PDZRN4: variants seen among roughly 807,000 people sequenced by gnomAD.
PDZRN4 encodes the protein PDZ domain-containing RING finger protein 4.
Under a neutral mutation model 99.0 loss-of-function variants are expected in PDZRN4, and 70 were observed. That is an observed-to-expected ratio of 0.71 (90% CI 0.58 to 0.86). The LOEUF (loss-of-function observed/expected upper bound fraction) is 0.86, where lower values mean the gene tolerates loss of function less well. Ranked by LOEUF, PDZRN4 falls within the 40% of genes least tolerant of loss-of-function variation. The pLI is 0.00. For missense variants in PDZRN4, 1,474 were observed against 1,331.2 expected, an observed-to-expected ratio of 1.11 and a Z score of -1.67; for synonymous variants, 551 against 501.6, an observed-to-expected ratio of 1.10 and a Z score of -1.32.
intron 5 of PDZRN4, among the ~76,000 whole-genome samples, chr12:41,521,811 C>T (rs184476733): frequency 2.6e-3 from 402 of 152,030 alleles, no homozygotes; most frequent in Non-Finnish European, 4.3e-3. Flanking sequence ...GTGTTCTTTC[C>T]TAGACTGTGT....
rs143173443 is a variant in PDZRN4 at position 41,211,998 on chromosome 12, T to G, written c.843+17810T>G. Among the ~76,000 whole-genome samples, 755 of 152,074 alleles carry G rather than the reference T, an allele frequency of 5.0e-3. 5 individuals carry two copies. The highest frequency in any genetic ancestry group is 0.011 in the South Asian group (54 of 4,826). On this transcript the variant is annotated intron_variant, in intron 3 of 9. Coordinates refer to ENST00000402685, the MANE Select transcript of PDZRN4 (RefSeq NM_001164595.2). ...TATGGAGAAACTCCCTTTGCATATTTTATTTTATATTCTTGCCTGTCACTG... is the reference window on the plus strand; with the variant it reads ...TATGGAGAAACTCCCTTTGCATATTGTATTTTATATTCTTGCCTGTCACTG...
intron 3 of PDZRN4, among the ~76,000 whole-genome samples, chr12:41,367,208 G>T (rs1235209196): frequency 6.6e-6 from 1 of 152,040 alleles, no homozygotes; most frequent in African/African-American, 2.4e-5. Context: ...TGAGTTGAAT[G>T]GTAGAAATGT....
At position 41,370,465 on chromosome 12, in the gene PDZRN4, T is replaced by G. The variant is rs1404439673; in HGVS notation, c.844-135991T>G. 2.2e-4 allele frequency among the ~76,000 whole-genome samples: 33 copies of G among 152,046 alleles called. 1 individual carries two copies. Among genetic ancestry groups the G allele is most frequent in the Admixed American group, 2.2e-3 (33 of 15,242 alleles). On this transcript the variant is annotated intron_variant, in intron 3 of 9. Transcript: ENST00000402685. ...AGTCTTTTATCAGTCAAATAACTAATTCTGCCTTTTCTCTCTGTTGCTTAA... is the reference window on the plus strand; with the variant it reads ...AGTCTTTTATCAGTCAAATAACTAAGTCTGCCTTTTCTCTCTGTTGCTTAA...
intron 3 of PDZRN4, among the ~76,000 whole-genome samples, chr12:41,288,895 G>A (rs1052427966): frequency 2.6e-5 from 4 of 151,902 alleles, no homozygotes; most frequent in Non-Finnish European, 5.9e-5. Context: ...CAGGCATAAT[G>A]GTTTATACAT....
intron 3 of PDZRN4, among the ~76,000 whole-genome samples, chr12:41,314,050 T>C (rs2120957325): frequency 6.6e-6 from 1 of 152,346 alleles, no homozygotes; most frequent in South Asian, 2.1e-4. Context: ...CATCTTGCCT[T>C]GGAAATTACC....
At chr12:41,555,904 T>C (rs1939152634) in intron 7 of PDZRN4, 144 bp downstream of exon 7, 6 of 668,662 alleles carry the variant, frequency 9.0e-6, no homozygotes, top group Non-Finnish European at 1.6e-5. Flanking sequence ...AAAAGTGCTG[T>C]CATTTAAAAC....
intron 3 of PDZRN4, among the ~76,000 whole-genome samples, chr12:41,406,156 CT>C (rs573073147): frequency 1.3e-4 from 20 of 151,672 alleles, no homozygotes; most frequent in East Asian, 3.9e-4. Context: ...CTAATTTCTG[CT>C]TTTTTTTGAG....
At chr12:41,353,011 G>T (rs1951902515) in intron 3 of PDZRN4, among the ~76,000 whole-genome samples, 1 of 151,958 alleles carries the variant, frequency 6.6e-6, no homozygotes. Context: ...CAATATAGTT[G>T]GCAAGCAAAT....
intron 3 of PDZRN4, among the ~76,000 whole-genome samples, chr12:41,225,650 C>T (rs75225531): frequency 0.024 from 3,660 of 152,142 alleles, 112 homozygotes; most frequent in African/African-American, 0.071. Context: ...AAATGGATGA[C>T]TCCAAGTGGT....
rs541998949 is a variant in PDZRN4, at chr12:41,215,001, T to C, written c.843+20813T>C. Among the ~76,000 whole-genome samples the C allele has an allele frequency of 3.9e-5, 6 of 152,224 alleles. No individual in the cohort carries two copies. The East Asian group carries it at 1.2e-3, about 29-fold the overall frequency. The stretch of plus-strand genomic sequence containing the variant: ...AACTATAAAAATCTGTGAGATATAT[T>C]TGTGAAATTAAGAGACTCATGAGAG... On this transcript the variant is annotated intron_variant, in intron 3 of 9. Coordinates refer to ENST00000402685, the MANE Select transcript of PDZRN4 (RefSeq NM_001164595.2).
intron 3 of PDZRN4, among the ~76,000 whole-genome samples, chr12:41,367,349 A>C (rs968257910): frequency 6.6e-6 from 1 of 151,908 alleles, no homozygotes; most frequent in Non-Finnish European, 1.5e-5. Context: ...GTCTCTACTA[A>C]AAATACAAAA....
intron 3 of PDZRN4, among the ~76,000 whole-genome samples, chr12:41,217,799 A>G (rs1950931147): frequency 6.6e-6 from 1 of 152,034 alleles, no homozygotes; most frequent in South Asian, 2.1e-4. Flanking sequence ...AGACAAGGCT[A>G]CATTTTGGCC....
intron 3 of PDZRN4, among the ~76,000 whole-genome samples, chr12:41,304,925 T>C (rs1046514431): frequency 3.9e-5 from 6 of 152,168 alleles, no homozygotes; most frequent in African/African-American, 1.4e-4. Context: ...CATGGTTGGG[T>C]CTTGCAGTAT....
chr12:41,428,805 G>T (rs1189126269), intron 3 of PDZRN4, among the ~76,000 whole-genome samples: 1 of 152,174 alleles, frequency 6.6e-6, no homozygotes, highest in African/African-American at 2.4e-5. Context: ...GCGAATGCAA[G>T]ACCTGGCTGA....
chr12:41,398,489 A>G (rs1952266497), intron 3 of PDZRN4, among the ~76,000 whole-genome samples: 2 of 152,182 alleles, frequency 1.3e-5, no homozygotes, highest in African/African-American at 2.4e-5. Flanking sequence ...CTAGAAAAAT[A>G]TTAGAACACT....
At chr12:41,502,178 C>T (rs988602464) in intron 3 of PDZRN4, among the ~76,000 whole-genome samples, 1 of 152,098 alleles carries the variant, frequency 6.6e-6, no homozygotes, top group African/African-American at 2.4e-5. Context: ...CCAATCGTCC[C>T]ACCCTGGGAC....
At chr12:41,567,664 A>T in intron 8 of PDZRN4, 119 bp from the exon 9 acceptor site, 1 of 425,890 alleles carries the variant, frequency 2.3e-6, no homozygotes, top group Non-Finnish European at 4.1e-6. Flanking sequence ...GGAGGCTGGT[A>T]TTCTGAAGAG....
rs79471462 is a variant in PDZRN4, at chr12:41,512,859, T to C, written c.1203+2946T>C. On this transcript the variant is annotated intron_variant, in intron 5 of 9. Coordinates refer to ENST00000402685, the MANE Select transcript of PDZRN4 (RefSeq NM_001164595.2). Reference sequence around the variant, plus strand: ...AGTTTGTGCTATGGCAATTTTCTTCTGACATTTTAATGGCAAAATATTACA... The same window carrying C: ...AGTTTGTGCTATGGCAATTTTCTTCCGACATTTTAATGGCAAAATATTACA... Among the ~76,000 whole-genome samples, 1,110 of 152,226 alleles carry C rather than the reference T, an allele frequency of 7.3e-3. 5 individuals carry two copies. Among genetic ancestry groups the C allele is most frequent in the Non-Finnish European group, 0.012 (783 of 67,990 alleles).
At chr12:41,217,376 A>T (rs1950928166) in intron 3 of PDZRN4, among the ~76,000 whole-genome samples, 1 of 152,018 alleles carries the variant, frequency 6.6e-6, no homozygotes, top group African/African-American at 2.4e-5. Context: ...AATGTTTTTG[A>T]ACAATGATTT....
Sources: allele counts gnomAD v4.1 joint callset (sites outside exome capture counted in the v4.1 genomes callset), GRCh38; gene constraint gnomAD v4.1.1; transcripts MANE v1.5; gene names NCBI Gene and HGNC (gene_info 2026-07-23, HGNC 2026-07-21).